Variants in EDDM3A observed in about 807,000 individuals in gnomAD.
EDDM3A encodes the protein epididymal secretory protein E3-alpha.
For missense variants in EDDM3A, 199 were observed against 177.4 expected, an observed-to-expected ratio of 1.12 and a Z score of -0.69; for synonymous variants, 75 against 60.4, an observed-to-expected ratio of 1.24 and a Z score of -1.12.
At chr14:20,737,028 C>CTTTT in the EDDM3A span, among the ~76,000 whole-genome samples, 1 of 146,426 alleles carries the variant, frequency 6.8e-6, no homozygotes, top group Non-Finnish European at 1.5e-5. Context: ...ATGCAGACTT[C>CTTTT]TTTCTTTTCT....
chr14:20,743,117 A>C (rs1263146271), upstream of EDDM3A, among the ~76,000 whole-genome samples: 1 of 152,232 alleles, frequency 6.6e-6, no homozygotes, highest in Non-Finnish European at 1.5e-5. Context: ...AATTCCATCC[A>C]TGGAGCCCTT....
the EDDM3A span, among the ~76,000 whole-genome samples, chr14:20,738,678 AAAAC>A: frequency 3.3e-5 from 5 of 152,206 alleles, no homozygotes; most frequent in Non-Finnish European, 7.3e-5. Flanking sequence ...TAACGGAAGA[AAAAC>A]AAACAGAATG....
At chr14:20,739,730 G>C in the EDDM3A span, among the ~76,000 whole-genome samples, 1 of 152,122 alleles carries the variant, frequency 6.6e-6, no homozygotes, top group Non-Finnish European at 1.5e-5. Flanking sequence ...ACACTGAAAG[G>C]ATTAACAGCT....
chr14:20,738,539 A>T, the EDDM3A span, among the ~76,000 whole-genome samples: 2 of 152,228 alleles, frequency 1.3e-5, no homozygotes, highest in African/African-American at 2.4e-5. Flanking sequence ...GTCAATTTAC[A>T]TATGGGGAAA....
intron 1 of EDDM3A, among the ~76,000 whole-genome samples, chr14:20,746,194 G>C (rs1281752087): frequency 6.6e-6 from 1 of 152,186 alleles, no homozygotes; most frequent in African/African-American, 2.4e-5. Context: ...TAAGCACAGT[G>C]CATTAAAGCT....
At chr14:20,744,729 T>C (rs2139079316), upstream of EDDM3A, among the ~76,000 whole-genome samples, 1 of 152,298 alleles carries the variant, frequency 6.6e-6, no homozygotes, top group South Asian at 2.1e-4. Context: ...ATAGTAGCAT[T>C]GTAGAAACTA....
intron 1 of EDDM3A, among the ~76,000 whole-genome samples, chr14:20,747,102 CTTTTTTT>C (rs71112518): frequency 8.2e-6 from 1 of 122,176 alleles, no homozygotes; most frequent in African/African-American, 3.1e-5. Context: ...AAACTGTATT[CTTTTTTT>C]TTTTTTTTTT....
upstream of EDDM3A, among the ~76,000 whole-genome samples, chr14:20,745,378 T>C (rs1877551666): frequency 6.6e-6 from 1 of 151,830 alleles, no homozygotes; most frequent in South Asian, 2.1e-4. Flanking sequence ...TACAAAAAAT[T>C]AGCTGGGCGT....
At position 20,748,167 on chromosome 14, in the gene EDDM3A, G is replaced by A. The variant is rs544677759; in HGVS notation, c.*143G>A. 1.6e-4 allele frequency: 92 copies of A among 588,174 alleles called. No individual in the cohort carries two copies. The South Asian group carries it at 2.5e-3, about 16-fold the overall frequency. 36.4% of individuals were successfully genotyped at this position (588,174 alleles called of 1,614,324 possible). A position where few individuals can be genotyped will look rare whatever the true frequency, so the allele number is the denominator to read the frequency against. Reference sequence around the variant, plus strand: ...CAACTACTTAGAGTTTATGTACCTCGTGATTTCTTGATACCAAATCTTTGT... The same window carrying A: ...CAACTACTTAGAGTTTATGTACCTCATGATTTCTTGATACCAAATCTTTGT... On this transcript the variant is annotated 3_prime_UTR_variant, in exon 2 of 2. Coordinates refer to ENST00000326842, the MANE Select transcript of EDDM3A (RefSeq NM_006683.5).
At chr14:20,741,901 G>T (rs1877446110), upstream of EDDM3A, among the ~76,000 whole-genome samples, 1 of 152,106 alleles carries the variant, frequency 6.6e-6, no homozygotes, top group Non-Finnish European at 1.5e-5. Context: ...ATTGTCTTCT[G>T]AAACTATGAA....
At chr14:20,746,461 C>T (rs1877590729) in intron 1 of EDDM3A, among the ~76,000 whole-genome samples, 1 of 152,164 alleles carries the variant, frequency 6.6e-6, no homozygotes, top group Non-Finnish European at 1.5e-5. Flanking sequence ...GGACAGATAG[C>T]TGGTAAAGAG....
At chr14:20,737,136 C>T in the EDDM3A span, among the ~76,000 whole-genome samples, 15 of 151,334 alleles carry the variant, frequency 9.9e-5, no homozygotes, top group African/African-American at 3.4e-4. Flanking sequence ...TCACTGTAAC[C>T]TCTGCCTCCT....
At chr14:20,746,673 G>A (rs553844978) in intron 1 of EDDM3A, among the ~76,000 whole-genome samples, 5 of 152,186 alleles carry the variant, frequency 3.3e-5, no homozygotes, top group Non-Finnish European at 7.3e-5. Context: ...AAGGGATGCC[G>A]ATAGTTAATA....
At chr14:20,740,510 T>C in the EDDM3A span, among the ~76,000 whole-genome samples, 1 of 152,200 alleles carries the variant, frequency 6.6e-6, no homozygotes, top group African/African-American at 2.4e-5. Context: ...AGAGGTCCTG[T>C]CACCTCTTTG....
chr14:20,744,674 T>A (rs1877530119), upstream of EDDM3A, among the ~76,000 whole-genome samples: 1 of 152,216 alleles, frequency 6.6e-6, no homozygotes, highest in Non-Finnish European at 1.5e-5. Context: ...GAAAAACAAC[T>A]TAGCCAGCAC....
At chr14:20,736,406 C>T in the EDDM3A span, among the ~76,000 whole-genome samples, 4 of 151,992 alleles carry the variant, frequency 2.6e-5, no homozygotes, top group South Asian at 2.1e-4. Context: ...CACCACGCTC[C>T]GCCCATCATC....
chr14:20,738,558 T>C, the EDDM3A span, among the ~76,000 whole-genome samples: 1 of 152,176 alleles, frequency 6.6e-6, no homozygotes, highest in Non-Finnish European at 1.5e-5. Context: ...AAAATACTAA[T>C]TATTTTTCTC....
chr14:20,747,973 A>T lies in EDDM3A; in HGVS notation c.393A>T (p.Gly131=). ...TTGAATTCCATTGTGGCGTAGATGG[A>T]TATGTTGATAACATAGAAGACCTGA... The part of the protein sequence containing the change: ...SYIEFHCGVD[G]YVDNIEDLRI... The change falls in exon 2 of 2, where the codon GGA becomes GGT. Residue 131 remains glycine (G), a synonymous_variant. Transcript: ENST00000326842. 5 of 1,613,438 alleles carry T rather than the reference A, an allele frequency of 3.1e-6. No individual in the cohort carries two copies. Among genetic ancestry groups the T allele is most frequent in the Non-Finnish European group, 4.2e-6 (5 of 1,179,780 alleles).
At chr14:20,741,825 T>C (rs1179218454), upstream of EDDM3A, among the ~76,000 whole-genome samples, 2 of 152,046 alleles carry the variant, frequency 1.3e-5, no homozygotes, top group Non-Finnish European at 2.9e-5. Context: ...TGCTGAGAAA[T>C]CAACTTTTAG....
Sources: gnomAD v4.1 joint callset for allele counts (sites outside exome capture counted in the v4.1 genomes callset) on GRCh38, gnomAD v4.1.1 for gene constraint, MANE v1.5 for transcripts, NCBI Gene and HGNC (gene_info 2026-07-23, HGNC 2026-07-21) for gene names.